HSD17B13: variants seen among roughly 807,000 people sequenced by gnomAD.
HSD17B13 encodes 17-beta-hydroxysteroid dehydrogenase 13.
In HSD17B13, 26 loss-of-function variants were observed where a neutral mutation model predicts 31.1. The ratio of observed to expected loss-of-function variants is 0.84; its 90% confidence interval spans 0.61 to 1.16. The LOEUF is 1.16. Among genes scored for constraint, HSD17B13 ranks in the 50% most tolerant of loss-of-function variants. The pLI is 0.00. For synonymous variants in HSD17B13, 141 were observed against 133.7 expected, an observed-to-expected ratio of 1.05 and a Z score of -0.38; for missense variants, 374 against 366.5, an observed-to-expected ratio of 1.02 and a Z score of -0.17.
intron 6 of HSD17B13, among the ~76,000 whole-genome samples, chr4:87,306,793 G>A (rs1297321381): frequency 1.3e-5 from 2 of 150,890 alleles, no homozygotes; most frequent in African/African-American, 4.9e-5. Flanking sequence ...TGTAATCCCA[G>A]CTACTCAGGA....
At chr4:87,312,076 T>C (rs1251743516) in intron 5 of HSD17B13, among the ~76,000 whole-genome samples, 1 of 152,090 alleles carries the variant, frequency 6.6e-6, no homozygotes, top group Non-Finnish European at 1.5e-5. Flanking sequence ...AGTTCCATTA[T>C]CCTTACTCCC....
rs533211781 is a variant in HSD17B13, at chr4:87,311,834, G to C, written c.696-1475C>G. 3.3e-5 allele frequency among the ~76,000 whole-genome samples: 5 copies of C among 152,256 alleles called. No homozygotes were observed. The South Asian group carries it at 1.0e-3, about 32-fold the overall frequency. On this transcript the variant is annotated intron_variant, in intron 5 of 6. Transcript: ENST00000328546. The stretch of plus-strand genomic sequence containing the variant: ...CTGCCTTGAATAGCAAGCCAACAGA[G>C]AGTAATACAAATCAATACATTTCTA...
chr4:87,320,382 GTTTTTTTTTT>G (rs66590696), intron 1 of HSD17B13, among the ~76,000 whole-genome samples: 2 of 101,380 alleles, frequency 2.0e-5, no homozygotes, highest in African/African-American at 3.4e-5. Context: ...TTATTCTTCA[GTTTTTTTTTT>G]TTTTTTTTTT....
chr4:87,310,410 T>G (rs771909471), intron 5 of HSD17B13, 51 bp from the exon 6 acceptor site: 46 of 1,288,890 alleles, frequency 3.6e-5, no homozygotes, highest in Non-Finnish European at 4.4e-5. Context: ...AATTTTAATT[T>G]TATAAGTAAA....
At chr4:87,311,283 C>T (rs1415174032) in intron 5 of HSD17B13, among the ~76,000 whole-genome samples, 3 of 152,202 alleles carry the variant, frequency 2.0e-5, no homozygotes, top group Non-Finnish European at 2.9e-5. Context: ...TGGAGCAGCT[C>T]AAGCCATTCT....
At position 87,322,656 on chromosome 4, in the gene HSD17B13, T is replaced by C. The variant is rs1734814527; in HGVS notation, c.186A>G (p.Ile62Met). Residue 62 changes from isoleucine (I) to methionine (M), a missense_variant, in exon 1 of 7, where the codon ATA (isoleucine) becomes ATG (methionine). Coordinates refer to ENST00000328546, the MANE Select transcript of HSD17B13 (RefSeq NM_178135.5). The part of the protein sequence containing the change: ...TTYEFAKRQS[I>M]LVLWDINKRG... ...CCTTATTAATATCCCACAGAACCAATATGCTCTGTCGTTTTGCAAATTCAT... is the reference window on the plus strand; with the variant it reads ...CCTTATTAATATCCCACAGAACCAACATGCTCTGTCGTTTTGCAAATTCAT... 1.9e-6 allele frequency: 3 copies of C among 1,613,650 alleles called. No individual in the cohort carries two copies. Among genetic ancestry groups the C allele is most frequent in the Non-Finnish European group, 1.7e-6 (2 of 1,179,526 alleles).
chr4:87,310,189 A>AAGC, intron 6 of HSD17B13, 54 bp downstream of exon 6: 1 of 1,353,460 alleles, frequency 7.4e-7, no homozygotes, highest in Non-Finnish European at 9.5e-7. Flanking sequence ...AAAAAAAGCA[A>AAGC]AAAAAAAAGC....
At chr4:87,313,783 A>G (rs530612782) in intron 5 of HSD17B13, 40 bp downstream of exon 5, 1 of 1,566,518 alleles carries the variant, frequency 6.4e-7, no homozygotes, top group East Asian at 2.3e-5. Flanking sequence ...ATATCAATTT[A>G]TCATACCACA....
chr4:87,317,185 A>G lies in HSD17B13; in HGVS notation c.357T>C (p.Asn119=), dbSNP rs1279390819. ...KEVGDVTIVV[N]NAGTVYPADL... ...CGGCTGGATATACTGTCCCAGCATT[A>G]TTCACCACGATTGTTACATCACCCA... Residue 119 remains asparagine (N), a synonymous_variant, in exon 3 of 7, where the codon AAT becomes AAC. Coordinates refer to ENST00000328546, the MANE Select transcript of HSD17B13 (RefSeq NM_178135.5). 9.9e-6 allele frequency: 16 copies of G among 1,613,952 alleles called. No homozygotes were observed. The highest frequency in any genetic ancestry group is 1.4e-5 in the Non-Finnish European group (16 of 1,179,934).
chr4:87,316,311 T>C (rs1314871893), intron 3 of HSD17B13, among the ~76,000 whole-genome samples: 1 of 152,166 alleles, frequency 6.6e-6, no homozygotes, highest in Non-Finnish European at 1.5e-5. Flanking sequence ...AAGTTTTGTA[T>C]AATTTGTTAT....
rs534924955 is a variant in HSD17B13, at chr4:87,322,554, G to C, written c.210+78C>G. 3.1e-4 allele frequency: 348 copies of C among 1,115,282 alleles called. 1 individual carries two copies. Among genetic ancestry groups the C allele is most frequent in the South Asian group, 3.1e-3 (236 of 76,994 alleles). 69.1% of individuals were successfully genotyped at this position (1,115,282 alleles called of 1,614,324 possible). ...TTGAAAAACAAAAATACAAAGATAAGTAGATGGTAAGTCAAATAATTCTTA... is the reference window on the plus strand; with the variant it reads ...TTGAAAAACAAAAATACAAAGATAACTAGATGGTAAGTCAAATAATTCTTA... On this transcript the variant is annotated intron_variant, in intron 1 of 6. Coordinates refer to ENST00000328546, the MANE Select transcript of HSD17B13 (RefSeq NM_178135.5).
At chr4:87,309,926 G>A (rs1256684601) in intron 6 of HSD17B13, among the ~76,000 whole-genome samples, 2 of 152,066 alleles carry the variant, frequency 1.3e-5, no homozygotes, top group Admixed American at 6.6e-5. Flanking sequence ...TTGGGAGGCC[G>A]AGACAGGAGG....
chr4:87,307,722 A>C (rs929150731), intron 6 of HSD17B13, among the ~76,000 whole-genome samples: 1 of 151,974 alleles, frequency 6.6e-6, no homozygotes. Flanking sequence ...GCTGGTCTCG[A>C]ATGCCTGACC....
chr4:87,319,094 A>T (rs1296788699), intron 1 of HSD17B13, among the ~76,000 whole-genome samples: 3 of 152,212 alleles, frequency 2.0e-5, no homozygotes, highest in Admixed American at 2.0e-4. Flanking sequence ...AGACAGGAGA[A>T]TCACTTGAAC....
At chr4:87,309,251 G>A (rs1241164906) in intron 6 of HSD17B13, among the ~76,000 whole-genome samples, 1 of 151,732 alleles carries the variant, frequency 6.6e-6, no homozygotes, top group Non-Finnish European at 1.5e-5. Flanking sequence ...GGGCGAGGGG[G>A]CAGGTGCCTG....
chr4:87,321,712 G>GA (rs1319944507), intron 1 of HSD17B13, among the ~76,000 whole-genome samples: 30 of 151,510 alleles, frequency 2.0e-4, no homozygotes, highest in East Asian at 1.4e-3. Flanking sequence ...TCACTATTCA[G>GA]AAAAAAAACA....
At chr4:87,312,123 C>T (rs1179383022) in intron 5 of HSD17B13, among the ~76,000 whole-genome samples, 2 of 152,142 alleles carry the variant, frequency 1.3e-5, no homozygotes, top group Non-Finnish European at 2.9e-5. Context: ...TGGCAGGATA[C>T]CCTTAGGAAA....
chr4:87,308,529 A>T lies in HSD17B13; in HGVS notation c.812+1714T>A, dbSNP rs796170670. Among the ~76,000 whole-genome samples, 251 of 117,000 alleles carry T rather than the reference A, an allele frequency of 2.1e-3. 1 individual carries two copies. Among genetic ancestry groups the T allele is most frequent in the South Asian group, 0.015 (54 of 3,700 alleles). 76.8% of individuals were successfully genotyped at this position (117,000 alleles called of 152,430 possible). On this transcript the variant is annotated intron_variant, in intron 6 of 6. Coordinates refer to ENST00000328546, the MANE Select transcript of HSD17B13 (RefSeq NM_178135.5). ...AAAAAAAAAAAAAAAAAAAAAAAAAAAATAAGCTGGGCATGGTTGCAGGCG... is the reference window on the plus strand; with the variant it reads ...AAAAAAAAAAAAAAAAAAAAAAAAATAATAAGCTGGGCATGGTTGCAGGCG...
In HSD17B13 at chr4:87,315,526, C is replaced by T; in HGVS notation, c.524G>A (p.Gly175Asp). The stretch of plus-strand genomic sequence containing the variant: ...GATGAGGTAAGGAATCCCTTCGTGG[C>T]CGCACACTGAAGCCACTGTGACGAT... Reference protein sequence around the residue: ...GHIVTVASVCGHEGIPYLIPY... With the variant: ...GHIVTVASVCDHEGIPYLIPY... The change falls in exon 4 of 7, where the codon GGC (glycine) becomes GAC (aspartate). Residue 175 changes from glycine to aspartate, a missense_variant. Gly to Asp is a moderately conservative substitution (Grantham distance 94). Transcript: ENST00000328546. 1 of 1,611,476 alleles carries T rather than the reference C, an allele frequency of 6.2e-7. No individual in the cohort carries two copies.
Sources: gnomAD v4.1 joint callset for allele counts (sites outside exome capture counted in the v4.1 genomes callset) on GRCh38, gnomAD v4.1.1 for gene constraint, MANE v1.5 for transcripts, NCBI Gene and HGNC (gene_info 2026-07-23, HGNC 2026-07-21) for gene names.